Variants in NEO1 observed in about 807,000 individuals in gnomAD.
NEO1 encodes neogenin.
NEO1 carries 63 observed loss-of-function variants against 159.7 expected under a neutral mutation model. That is an observed-to-expected ratio of 0.39 (90% confidence interval 0.32 to 0.49). The LOEUF is 0.49. Ranked by LOEUF, NEO1 falls within the 20% of genes least tolerant of loss-of-function variation. The pLI, the probability that NEO1 is intolerant of heterozygous loss-of-function variation, is 0.85. For missense variants in NEO1, 1,615 were observed against 1,831.0 expected (o/e 0.88, Z 2.15); for synonymous variants, 633 against 662.0 (o/e 0.96, Z 0.67).
intron 7 of NEO1, among the ~76,000 whole-genome samples, chr15:73,220,315 T>G (rs2150749274): frequency 6.6e-6 from 1 of 152,360 alleles, no homozygotes; most frequent in African/African-American, 2.4e-5. Flanking sequence ...TCTGATGGGC[T>G]TCCTTTTATG....
chr15:73,302,636 CAA>C lies in NEO1; in HGVS notation c.4328_4329del (p.Lys1443ArgfsTer26). 6.2e-7 allele frequency: 1 copy of C among 1,614,048 alleles called. No homozygotes were observed. The highest frequency in any genetic ancestry group is 1.3e-5 in the African/African-American group (1 of 75,040). On this transcript the variant is annotated frameshift_variant, in exon 29 of 29. Coordinates refer to ENST00000261908, the MANE Select transcript of NEO1 (RefSeq NM_002499.4). LOFTEE classifies it high-confidence loss of function. ...ESSYEPDELTKEMAHLEGLMK... is the reference protein window; with the variant it reads ...ESSYEPDELTXEMAHLEGLMK... ...AGAGCTATGAACCAGATGAGCTGAC[CAA>C]AGAGATGGCCCACCTGGAAGGACTA...
rs2042674408 is a variant in NEO1 at position 73,302,856 on chromosome 15, G to A, written c.*160G>A. 1 of 613,264 alleles carries A rather than the reference G, an allele frequency of 1.6e-6. No individual in the cohort carries two copies. The highest frequency in any genetic ancestry group is 2.9e-5 in the East Asian group (1 of 33,978). The allele number at this position is 613,264 out of a possible 1,614,324, so 38.0% of individuals were successfully genotyped here. ...TCTGTGTAGGGCTGGCTCCAGGCAT[G>A]GCCACCTGCCTTCCCCTGGTCAGCC... On this transcript the variant is annotated 3_prime_UTR_variant, in exon 29 of 29. Coordinates refer to ENST00000261908, the MANE Select transcript of NEO1 (RefSeq NM_002499.4).
intron 18 of NEO1, among the ~76,000 whole-genome samples, chr15:73,271,556 T>C (rs534982094): frequency 1.3e-5 from 2 of 152,332 alleles, no homozygotes; most frequent in East Asian, 3.9e-4. Context: ...AATAAACTCA[T>C]AGTGAAAAAT....
At chr15:73,283,226 A>C in intron 23 of NEO1, 115 bp downstream of exon 23, 1 of 1,232,822 alleles carries the variant, frequency 8.1e-7, no homozygotes, top group African/African-American at 1.5e-5. Context: ...ATGAAAAGGA[A>C]TTTAAGATAT....
intron 15 of NEO1, among the ~76,000 whole-genome samples, chr15:73,263,743 A>T (rs2040752536): frequency 6.6e-6 from 1 of 152,184 alleles, no homozygotes. Context: ...TCTGTTAAAA[A>T]ATAAGCTGGG....
chr15:73,244,345 G>C lies in NEO1; in HGVS notation c.1453G>C (p.Glu485Gln). The C allele has an allele frequency of 6.2e-7, 1 of 1,612,474 alleles. No homozygotes were observed. The highest frequency in any genetic ancestry group is 8.5e-7 in the Non-Finnish European group (1 of 1,179,128). Residue 485 changes from glutamate to glutamine, a missense_variant and splice_region_variant, in exon 9 of 29, where the codon GAA becomes CAA. Transcript: ENST00000261908. Reference protein sequence around the residue: ...VFYTKEGIARERVENTSHPGE... With the variant: ...VFYTKEGIARQRVENTSHPGE... ...TCTCTCCAAATCCTTTGTCTAAAGG[G>C]AACGTGTTGAGAATACCAGTCACCC... is the stretch of plus-strand genomic sequence containing the variant.
At chr15:73,113,179 C>CTTT (rs139631574) in intron 1 of NEO1, among the ~76,000 whole-genome samples, 4 of 144,604 alleles carry the variant, frequency 2.8e-5, no homozygotes, top group African/African-American at 1.0e-4. Flanking sequence ...CTCTTACTGG[C>CTTT]TTTTTTTTTT....
At chr15:73,264,979 GAGGCT>G (rs1284555413) in intron 15 of NEO1, among the ~76,000 whole-genome samples, 1 of 152,198 alleles carries the variant, frequency 6.6e-6, no homozygotes, top group Non-Finnish European at 1.5e-5. Context: ...TGTAACTAGA[GAGGCT>G]AGTCCAGTGT....
At chr15:73,140,797 G>A (rs2032311686) in intron 5 of NEO1, among the ~76,000 whole-genome samples, 1 of 152,110 alleles carries the variant, frequency 6.6e-6, no homozygotes, top group South Asian at 2.1e-4. Context: ...GACAATGTGG[G>A]TAAATATCAC....
intron 7 of NEO1, among the ~76,000 whole-genome samples, chr15:73,223,183 G>A (rs1596388659): frequency 6.6e-6 from 1 of 152,146 alleles, no homozygotes; most frequent in African/African-American, 2.4e-5. Context: ...AGTTTTCTTA[G>A]ATTTATTGAG....
intron 16 of NEO1, among the ~76,000 whole-genome samples, chr15:73,269,106 T>G (rs2041050963): frequency 6.6e-6 from 1 of 152,202 alleles, no homozygotes; most frequent in Non-Finnish European, 1.5e-5. Context: ...GTACTGCCAT[T>G]AGACCCAGGA....
intron 5 of NEO1, among the ~76,000 whole-genome samples, chr15:73,151,344 A>G (rs2033354827): frequency 6.6e-6 from 1 of 152,186 alleles, no homozygotes; most frequent in Non-Finnish European, 1.5e-5. Context: ...CTGTCAGGAA[A>G]CTGTCTACTT....
intron 24 of NEO1, chr15:73,288,926 AAG>A: frequency 1.8e-6 from 1 of 569,042 alleles, no homozygotes; most frequent in Admixed American, 3.0e-5. Flanking sequence ...ACACCCTGTG[AAG>A]TATGGTGGGC....
intron 1 of NEO1, among the ~76,000 whole-genome samples, chr15:73,113,571 TCA>T (rs1321787602): frequency 1.3e-5 from 2 of 152,194 alleles, no homozygotes; most frequent in African/African-American, 4.8e-5. Context: ...TCAAGGTAGT[TCA>T]CAGTTTCAAC....
chr15:73,258,293 G>A (rs2150979391), intron 13 of NEO1, among the ~76,000 whole-genome samples: 1 of 152,294 alleles, frequency 6.6e-6, no homozygotes, highest in Non-Finnish European at 1.5e-5. Flanking sequence ...TTTCTGCCAT[G>A]ATTATGAGGT....
chr15:73,193,258 A>G (rs1041254671), intron 7 of NEO1, among the ~76,000 whole-genome samples: 7 of 152,068 alleles, frequency 4.6e-5, no homozygotes, highest in African/African-American at 1.7e-4. Context: ...CAGATACCCT[A>G]TTATATAGGC....
At position 73,244,360 on chromosome 15, in the gene NEO1, A is replaced by G; in HGVS notation, c.1468A>G (p.Thr490Ala). ...TGTCTAAAGGGAACGTGTTGAGAAT[A>G]CCAGTCACCCAGGAGAGATGCAAGT... is the stretch of plus-strand genomic sequence containing the variant. The part of the protein sequence containing the change: ...EGIARERVEN[T>A]SHPGEMQVTI... The change falls in exon 9 of 29, where the codon ACC (threonine) becomes GCC (alanine). Residue 490 changes from threonine to alanine, a missense_variant. Coordinates refer to ENST00000261908, the MANE Select transcript of NEO1 (RefSeq NM_002499.4). 3 of 1,613,556 alleles carry G rather than the reference A, an allele frequency of 1.9e-6. No individual in the cohort carries two copies. The highest frequency in any genetic ancestry group is 2.5e-6 in the Non-Finnish European group (3 of 1,179,636).
intron 5 of NEO1, among the ~76,000 whole-genome samples, chr15:73,154,126 A>T (rs2033594037): frequency 6.6e-6 from 1 of 152,108 alleles, no homozygotes; most frequent in Non-Finnish European, 1.5e-5. Flanking sequence ...AGGAAAATTG[A>T]TTTCCCTAAG....
intron 5 of NEO1, among the ~76,000 whole-genome samples, chr15:73,152,927 G>C (rs900405552): frequency 6.6e-6 from 1 of 152,142 alleles, no homozygotes; most frequent in South Asian, 2.1e-4. Flanking sequence ...TAGAGAAAGA[G>C]AGAAGAGACT....
Sources: gnomAD v4.1 joint callset for allele counts (sites outside exome capture counted in the v4.1 genomes callset) on GRCh38, gnomAD v4.1.1 for gene constraint, MANE v1.5 for transcripts, NCBI Gene and HGNC (gene_info 2026-07-23, HGNC 2026-07-21) for gene names.